The following EYS variants were observed in gnomAD, a reference collection of about 807,000 sequenced individuals.
EYS encodes the protein EGF-like photoreceptor maintenance factor.
A neutral mutation model predicts 282.1 loss-of-function variants in EYS; 250 were observed. The ratio of observed to expected loss-of-function variants is 0.89; its 90% CI spans 0.80 to 0.98. The LOEUF (loss-of-function observed/expected upper bound fraction) is 0.98, where lower values mean the gene tolerates loss of function less well. Among genes scored for constraint, EYS ranks in the 50% least tolerant of loss-of-function variants. EYS has a pLI of 0.00. For missense variants in EYS, 4,016 were observed against 3,709.0 expected (o/e 1.08, Z -2.15); for synonymous variants, 1,355 against 1,282.9 (o/e 1.06, Z -1.20).
intron 33 of EYS, among the ~76,000 whole-genome samples, chr6:64,029,110 G>A (rs1243169912): frequency 1.3e-5 from 2 of 152,154 alleles, no homozygotes; most frequent in Non-Finnish European, 2.9e-5. Flanking sequence ...CTAGTAGAAT[G>A]GGAACCAGAG....
chr6:63,894,956 A>T (rs537202712), intron 35 of EYS, among the ~76,000 whole-genome samples: 1 of 151,912 alleles, frequency 6.6e-6, no homozygotes, highest in African/African-American at 2.4e-5. Context: ...CTAATACAGC[A>T]TCTGATGTGT....
chr6:64,997,536 T>C, intron 14 of EYS, 46 bp downstream of exon 14: 2 of 1,530,452 alleles, frequency 1.3e-6, no homozygotes, highest in Non-Finnish European at 1.8e-6. Flanking sequence ...GGTGTTAAAT[T>C]ATATTAGTCC....
intron 23 of EYS, among the ~76,000 whole-genome samples, chr6:64,620,735 A>G (rs962912188): frequency 6.6e-6 from 1 of 152,138 alleles, no homozygotes; most frequent in African/African-American, 2.4e-5. Flanking sequence ...AATGAAATAT[A>G]TTTTCTTTTG....
At chr6:65,122,621 C>T (rs559458512) in intron 12 of EYS, among the ~76,000 whole-genome samples, 4 of 152,136 alleles carry the variant, frequency 2.6e-5, no homozygotes, top group East Asian at 1.9e-4. Flanking sequence ...TTTTCACACA[C>T]CACTGAACTG....
intron 22 of EYS, among the ~76,000 whole-genome samples, chr6:64,681,060 C>G (rs1293394267): frequency 1.3e-5 from 2 of 152,050 alleles, no homozygotes; most frequent in Non-Finnish European, 2.9e-5. Context: ...CTAAGAAGAG[C>G]CTGGGACAGG....
At chr6:64,441,017 A>C (rs1277172144) in intron 26 of EYS, among the ~76,000 whole-genome samples, 2 of 152,166 alleles carry the variant, frequency 1.3e-5, no homozygotes, top group Non-Finnish European at 2.9e-5. Context: ...ACAAATATCA[A>C]ATTTACGATG....
chr6:64,000,168 CTTTTTT>C (rs71551553), intron 33 of EYS, among the ~76,000 whole-genome samples: 23 of 42,676 alleles, frequency 5.4e-4, no homozygotes, highest in African/African-American at 1.3e-3. Context: ...AGACATGGGA[CTTTTTT>C]TTTTTTTTTT....
At chr6:65,676,217 G>A (rs1768582947) in intron 1 of EYS, among the ~76,000 whole-genome samples, 1 of 150,804 alleles carries the variant, frequency 6.6e-6, no homozygotes, top group Non-Finnish European at 1.5e-5. Flanking sequence ...GCAGAAGGAA[G>A]GAATTTTAAT....
intron 35 of EYS, among the ~76,000 whole-genome samples, chr6:63,871,353 G>A (rs921588448): frequency 1.3e-5 from 2 of 152,022 alleles, no homozygotes; most frequent in Non-Finnish European, 2.9e-5. Context: ...CAGGGACAGA[G>A]TTTTCCCCGT....
intron 2 of EYS, among the ~76,000 whole-genome samples, chr6:65,623,966 T>C (rs1766611094): frequency 6.6e-6 from 1 of 152,202 alleles, no homozygotes; most frequent in Non-Finnish European, 1.5e-5. Flanking sequence ...TAATGCATCC[T>C]ATTCCTAAAT....
chr6:64,400,923 A>C (rs1051159507), intron 28 of EYS, among the ~76,000 whole-genome samples: 8 of 152,018 alleles, frequency 5.3e-5, no homozygotes, highest in Non-Finnish European at 1.5e-5. Context: ...ACTACTCTCC[A>C]CTAAATAGAG....
chr6:65,322,967 C>T (rs1769518048), intron 11 of EYS, among the ~76,000 whole-genome samples: 1 of 151,750 alleles, frequency 6.6e-6, no homozygotes, highest in Admixed American at 6.6e-5. Flanking sequence ...GTCTTTTGTG[C>T]AGATAATACC....
intron 26 of EYS, among the ~76,000 whole-genome samples, chr6:64,584,778 T>C (rs962988807): frequency 5.3e-5 from 8 of 152,146 alleles, no homozygotes; most frequent in African/African-American, 1.4e-4. Flanking sequence ...AGGTAAAACA[T>C]GGCTGCATAT....
intron 13 of EYS, among the ~76,000 whole-genome samples, chr6:65,041,164 A>G (rs1386680484): frequency 1.3e-5 from 2 of 151,740 alleles, no homozygotes; most frequent in African/African-American, 4.8e-5. Flanking sequence ...AAATACTACA[A>G]CAGATAAACA....
chr6:65,366,658 G>C (rs978859911), intron 8 of EYS, among the ~76,000 whole-genome samples: 1 of 151,592 alleles, frequency 6.6e-6, no homozygotes, highest in Non-Finnish European at 1.5e-5. Context: ...TATTACTACT[G>C]TAATGAAACA....
intron 10 of EYS, among the ~76,000 whole-genome samples, chr6:65,343,063 C>T (rs1322937117): frequency 3.3e-5 from 5 of 150,978 alleles, no homozygotes; most frequent in South Asian, 2.1e-4. Context: ...TATGTAAGAA[C>T]GTATTAAGCT....
At chr6:63,894,621 G>A (rs1263937695) in intron 35 of EYS, among the ~76,000 whole-genome samples, 8 of 151,228 alleles carry the variant, frequency 5.3e-5, no homozygotes, top group African/African-American at 1.2e-4. Context: ...TCACTCTGTC[G>A]CCCAGGCTGG....
chr6:64,986,678 A>G (rs1167247774), intron 14 of EYS, among the ~76,000 whole-genome samples: 1 of 151,410 alleles, frequency 6.6e-6, no homozygotes, highest in African/African-American at 2.4e-5. Flanking sequence ...TTACAGTTAG[A>G]CTAATACACA....
intron 11 of EYS, among the ~76,000 whole-genome samples, chr6:65,308,084 T>C (rs1202812169): frequency 8.8e-6 from 1 of 113,136 alleles, no homozygotes; most frequent in Non-Finnish European, 1.8e-5. Flanking sequence ...GCGATTCTTC[T>C]GCCTCAGCCT....
Sources: allele counts gnomAD v4.1 joint callset (sites outside exome capture counted in the v4.1 genomes callset), GRCh38; gene constraint gnomAD v4.1.1; transcripts MANE v1.5; gene names NCBI Gene and HGNC (gene_info 2026-07-23, HGNC 2026-07-21).